Variants in PTPRD observed in about 807,000 individuals in gnomAD.
The protein encoded by PTPRD is protein tyrosine phosphatase receptor type D, also known as receptor-type tyrosine-protein phosphatase delta.
PTPRD carries 34 observed loss-of-function variants against 214.5 expected under a neutral mutation model. The observed-to-expected ratio is 0.16, with a 90% CI of 0.12 to 0.21. The LOEUF (loss-of-function observed/expected upper bound fraction) is 0.21. PTPRD is among the 10% of genes least tolerant of loss of function. PTPRD has a pLI of 1.00. For synonymous variants in PTPRD, 1,128 were observed against 845.7 expected, an observed-to-expected ratio of 1.33 and a Z score of -5.79; for missense variants, 2,545 against 2,398.7, an observed-to-expected ratio of 1.06 and a Z score of -1.27.
chr9:10,388,147 G>T (rs914217429), intron 2 of PTPRD, among the ~76,000 whole-genome samples: 1 of 151,680 alleles, frequency 6.6e-6, no homozygotes, highest in African/African-American at 2.4e-5. Context: ...AGGGAAAATG[G>T]AAATGTAAAT....
At chr9:10,263,079 A>G (rs2093803480) in intron 3 of PTPRD, among the ~76,000 whole-genome samples, 1 of 152,102 alleles carries the variant, frequency 6.6e-6, no homozygotes, top group African/African-American at 2.4e-5. Context: ...CATTATTGTG[A>G]GGCCTCCCCA....
At chr9:9,799,532 C>G (rs567135849) in intron 5 of PTPRD, 1 of 152,144 alleles carries the variant, frequency 6.6e-6, no homozygotes, top group Non-Finnish European at 1.5e-5. Flanking sequence ...CACTGTGTTT[C>G]CTTGGGGGCA....
chr9:9,975,138 G>A (rs527563754), intron 4 of PTPRD, among the ~76,000 whole-genome samples: 1 of 152,202 alleles, frequency 6.6e-6, no homozygotes, highest in South Asian at 2.1e-4. Flanking sequence ...TTTACAGAGG[G>A]CACATTATTA....
intron 9 of PTPRD, among the ~76,000 whole-genome samples, chr9:9,314,576 G>A (rs1257040875): frequency 6.6e-6 from 1 of 152,052 alleles, no homozygotes; most frequent in African/African-American, 2.4e-5. Context: ...AAATGTAAAA[G>A]GCTTCCTGTT....
chr9:8,642,330 C>G (rs564583334), intron 12 of PTPRD, among the ~76,000 whole-genome samples: 1 of 152,256 alleles, frequency 6.6e-6, no homozygotes, highest in South Asian at 2.1e-4. Flanking sequence ...GGCTTTGTTT[C>G]TTTTAACTGA....
intron 9 of PTPRD, among the ~76,000 whole-genome samples, chr9:9,330,315 G>A (rs949955014): frequency 6.6e-6 from 1 of 151,944 alleles, no homozygotes; most frequent in African/African-American, 2.4e-5. Context: ...TAAATTTTAA[G>A]AACCTCTGAT....
At chr9:10,337,996 A>T (rs555243378) in intron 3 of PTPRD, among the ~76,000 whole-genome samples, 6 of 151,830 alleles carry the variant, frequency 4.0e-5, no homozygotes, top group Non-Finnish European at 8.9e-5. Context: ...TTGTTGGGAA[A>T]AACGCAAACT....
chr9:9,100,430 G>C (rs1039430527), intron 10 of PTPRD, among the ~76,000 whole-genome samples: 1 of 152,066 alleles, frequency 6.6e-6, no homozygotes, highest in African/African-American at 2.4e-5. Context: ...AGCTGGGTTT[G>C]ATTCAAATGC....
At chr9:10,261,542 A>C (rs1238128052) in intron 3 of PTPRD, among the ~76,000 whole-genome samples, 1 of 152,136 alleles carries the variant, frequency 6.6e-6, no homozygotes, top group East Asian at 1.9e-4. Flanking sequence ...GTGTGTGTAT[A>C]TATACATATG....
chr9:8,443,772 C>T (rs1252115276), intron 34 of PTPRD, among the ~76,000 whole-genome samples: 2 of 152,050 alleles, frequency 1.3e-5, no homozygotes, highest in Non-Finnish European at 2.9e-5. Flanking sequence ...GGTGCACCAC[C>T]AATGCTACCA....
intron 5 of PTPRD, among the ~76,000 whole-genome samples, chr9:9,907,203 C>G (rs2077826130): frequency 6.6e-6 from 1 of 151,696 alleles, no homozygotes; most frequent in Non-Finnish European, 1.5e-5. Context: ...CTAATTAGGT[C>G]ATGTGCAATT....
At chr9:8,495,708 T>C (rs2097249871) in intron 26 of PTPRD, among the ~76,000 whole-genome samples, 1 of 152,212 alleles carries the variant, frequency 6.6e-6, no homozygotes, top group South Asian at 2.1e-4. Flanking sequence ...AATCATGACA[T>C]ACAATAATGT....
chr9:10,047,010 G>T (rs969751956), intron 3 of PTPRD, among the ~76,000 whole-genome samples: 2 of 151,672 alleles, frequency 1.3e-5, no homozygotes, highest in African/African-American at 4.8e-5. Flanking sequence ...AAATGCCAAG[G>T]ACATTTTGTT....
chr9:9,977,930 G>GAA (rs150804018), intron 4 of PTPRD, among the ~76,000 whole-genome samples: 30 of 150,118 alleles, frequency 2.0e-4, no homozygotes, highest in Admixed American at 6.6e-4. Context: ...TACCTTTCCA[G>GAA]AAAAAAAAAA....
intron 14 of PTPRD, among the ~76,000 whole-genome samples, chr9:8,537,089 G>T (rs2077143165): frequency 6.6e-6 from 1 of 151,974 alleles, no homozygotes; most frequent in Middle Eastern, 3.4e-3. Context: ...TGGCAGCAGG[G>T]TATAATTTGT....
intron 12 of PTPRD, among the ~76,000 whole-genome samples, chr9:8,714,581 C>T (rs1251448678): frequency 2.0e-5 from 3 of 152,170 alleles, no homozygotes; most frequent in Non-Finnish European, 4.4e-5. Context: ...TCCATTCATT[C>T]CCCTTGCTAT....
chr9:9,505,008 G>A (rs1282848776), intron 8 of PTPRD, among the ~76,000 whole-genome samples: 5 of 151,532 alleles, frequency 3.3e-5, no homozygotes, highest in African/African-American at 1.2e-4. Flanking sequence ...CAACTACTTA[G>A]ACTAGCTGGA....
chr9:9,494,413 T>C lies in PTPRD; in HGVS notation c.-237+80319A>G, dbSNP rs137880120. On this transcript the variant is annotated intron_variant, in intron 8 of 45. Transcript: ENST00000381196. ...AGTCAATTAAGGAGGCAAACATTCATTGTTGTTCTAAAGAAATTGCCACAA... is the reference window on the plus strand; with the variant it reads ...AGTCAATTAAGGAGGCAAACATTCACTGTTGTTCTAAAGAAATTGCCACAA... Among the ~76,000 whole-genome samples the C allele has an allele frequency of 4.0e-3, 608 of 152,320 alleles. 1 individual carries two copies. Among genetic ancestry groups the C allele is most frequent in the African/African-American group, 0.014 (571 of 41,572 alleles).
intron 3 of PTPRD, among the ~76,000 whole-genome samples, chr9:10,159,206 A>G (rs2099112282): frequency 6.6e-6 from 1 of 152,202 alleles, no homozygotes; most frequent in African/African-American, 2.4e-5. Context: ...GAAATAATAA[A>G]TGAATGAAAA....
Sources: allele counts gnomAD v4.1 joint callset (sites outside exome capture counted in the v4.1 genomes callset), GRCh38; gene constraint gnomAD v4.1.1; transcripts MANE v1.5; gene names NCBI Gene and HGNC (gene_info 2026-07-23, HGNC 2026-07-21).